The following IQCH variants were observed in gnomAD, a reference collection of about 807,000 sequenced individuals.
IQCH encodes IQ motif containing H, also known as IQ domain-containing protein H.
In IQCH, 98 loss-of-function variants were observed where a neutral mutation model predicts 117.0. The ratio of observed to expected loss-of-function variants is 0.84; its 90% confidence interval spans 0.71 to 0.99. IQCH has a LOEUF of 0.99. IQCH is among the 50% of genes least tolerant of loss of function. The pLI, the probability that IQCH is intolerant of heterozygous loss-of-function variation, is 0.00. For synonymous variants in IQCH, 412 were observed against 448.2 expected (o/e 0.92, Z 1.02); for missense variants, 1,102 against 1,243.8 (o/e 0.89, Z 1.72).
At chr15:67,450,147 A>G (rs980584385) in intron 16 of IQCH, among the ~76,000 whole-genome samples, 4 of 152,218 alleles carry the variant, frequency 2.6e-5, no homozygotes, top group Non-Finnish European at 2.9e-5. Context: ...TTTTCTAGAT[A>G]TACAATCATG....
chr15:67,269,036 C>A (rs1398021573), intron 3 of IQCH, among the ~76,000 whole-genome samples: 122 of 134,972 alleles, frequency 9.0e-4, no homozygotes, highest in African/African-American at 2.8e-3. Context: ...AAAAAAAAAA[C>A]CAACACTTGA....
chr15:67,289,000 T>C (rs1185924748), intron 4 of IQCH, among the ~76,000 whole-genome samples: 1 of 152,028 alleles, frequency 6.6e-6, no homozygotes, highest in African/African-American at 2.4e-5. Flanking sequence ...GGAGGAAATA[T>C]GCAAATACAT....
rs754146967 is a variant in IQCH at position 67,489,989 on chromosome 15, T to C, written c.2800-14T>C. On this transcript the variant is annotated splice_polypyrimidine_tract_variant and intron_variant, in intron 18 of 20. Coordinates refer to ENST00000335894, the MANE Select transcript of IQCH (RefSeq NM_001031715.3). ...TAATATACTATTTCTTTTCTCCCCA[T>C]TCAAATTTTACAGGAAAGGCAAGGA... The C allele has an allele frequency of 3.8e-6, 6 of 1,574,208 alleles. No individual in the cohort carries two copies. In the East Asian group the frequency reaches 1.3e-4, roughly 35 times the overall value.
At position 67,481,411 on chromosome 15, in the gene IQCH, G is replaced by A. The variant is rs1014814042; in HGVS notation, c.2799+5593G>A. On this transcript the variant is annotated intron_variant, in intron 18 of 20. Coordinates refer to ENST00000335894, the MANE Select transcript of IQCH (RefSeq NM_001031715.3). This position sits in a 1 kb window ranked among gnomAD's most constrained non-coding sequence, Gnocchi z 4.1. ...TCCCCTTATAAAATCATCAGATTGA[G>A]TGAGAACTCACTCACTATCATGAGA... Among the ~76,000 whole-genome samples the A allele has an allele frequency of 1.3e-4, 20 of 152,146 alleles. No individual in the cohort carries two copies. The highest frequency in any genetic ancestry group is 4.8e-4 in the African/African-American group (20 of 41,434).
intron 10 of IQCH, among the ~76,000 whole-genome samples, chr15:67,374,854 G>C (rs1970683858): frequency 6.6e-6 from 1 of 152,176 alleles, no homozygotes; most frequent in African/African-American, 2.4e-5. Flanking sequence ...TTCGAATAAG[G>C]TGCAGGAGGC....
rs567630419 is a variant in IQCH at position 67,421,342 on chromosome 15, T to G, written c.2270T>G (p.Val757Gly). The change falls in exon 16 of 21, where the codon GTG becomes GGG. Residue 757 changes from valine to glycine, a missense_variant. This residue lies in a region of IQCH where 650 missense variants were observed against 794.3 expected (regional missense o/e 0.82). Transcript: ENST00000335894. ...GCAGACAATGTCACCAACCTCACAG[T>G]GGACATGCTGATAGAGCCCAACGGG... ...PPADNVTNLT[V>G]DMLIEPNGKI... 1 of 1,614,164 alleles carries G rather than the reference T, an allele frequency of 6.2e-7. No individual in the cohort carries two copies. Among genetic ancestry groups the G allele is most frequent in the African/African-American group, 1.3e-5 (1 of 75,060 alleles).
At position 67,500,409 on chromosome 15, in the gene IQCH, T is replaced by C. The variant is rs188362661; in HGVS notation, c.2971-224T>C. ...AGAAGCCCAATGTTATTATTAGACA[T>C]AATAGGCATAAAAATTCTAAAAAGT... On this transcript the variant is annotated intron_variant, in intron 20 of 20. Transcript: ENST00000335894. This position sits in a 1 kb window ranked among gnomAD's most constrained non-coding sequence, Gnocchi z 4.4. Among the ~76,000 whole-genome samples the C allele has an allele frequency of 6.6e-6, 1 of 152,310 alleles. No homozygotes were observed. Among genetic ancestry groups the C allele is most frequent in the East Asian group, 1.9e-4 (1 of 5,194 alleles).
rs1443388648 is a variant in IQCH at position 67,416,443 on chromosome 15, G to A, written c.2098-488G>A. Among the ~76,000 whole-genome samples, 1 of 151,984 alleles carries A rather than the reference G, an allele frequency of 6.6e-6. No individual in the cohort carries two copies. Among genetic ancestry groups the A allele is most frequent in the Non-Finnish European group, 1.5e-5 (1 of 67,994 alleles). ...GAGGCAGGAGAATCACTTGAACCCG[G>A]GAGGCAGAGGTTGCAGTGAGCCAAG... On this transcript the variant is annotated intron_variant, in intron 14 of 20. Transcript: ENST00000335894. This position sits in a 1 kb window ranked among gnomAD's most constrained non-coding sequence, Gnocchi z 5.1.
intron 16 of IQCH, among the ~76,000 whole-genome samples, chr15:67,439,190 G>T (rs1241054854): frequency 1.3e-5 from 2 of 152,134 alleles, no homozygotes; most frequent in Non-Finnish European, 2.9e-5. Flanking sequence ...TAAGAAAATT[G>T]AAATTATATC....
chr15:67,380,801 G>A lies in IQCH; in HGVS notation c.1373-4135G>A, dbSNP rs79226202. ...AGGATGTGATGCATTGAACATCACTGATCATGAGTTTCAAAATGAGGAAAA... is the reference window on the plus strand; with the variant it reads ...AGGATGTGATGCATTGAACATCACTAATCATGAGTTTCAAAATGAGGAAAA... On this transcript the variant is annotated intron_variant, in intron 10 of 20. Coordinates refer to ENST00000335894, the MANE Select transcript of IQCH (RefSeq NM_001031715.3). Among the ~76,000 whole-genome samples the A allele has an allele frequency of 2.0e-5, 3 of 152,288 alleles. No homozygotes were observed. In the East Asian group the frequency reaches 5.8e-4, roughly 29 times the overall value.
In IQCH at chr15:67,387,832, A is replaced by G. The variant is rs776623791; in HGVS notation, c.1457-999A>G. Among the ~76,000 whole-genome samples the G allele has an allele frequency of 6.6e-6, 1 of 152,206 alleles. No homozygotes were observed. Among genetic ancestry groups the G allele is most frequent in the Non-Finnish European group, 1.5e-5 (1 of 68,032 alleles). The stretch of plus-strand genomic sequence containing the variant: ...AAATAACTAGAATTTAATTCAGTCT[A>G]TGCTCTGTATATATACTCTGCCAAA... On this transcript the variant is annotated intron_variant, in intron 11 of 20. Coordinates refer to ENST00000335894, the MANE Select transcript of IQCH (RefSeq NM_001031715.3). The surrounding 1 kb of genome is among the most constrained non-coding windows in gnomAD (Gnocchi z 4.8).
At chr15:67,331,252 A>G (rs182378601) in intron 4 of IQCH, among the ~76,000 whole-genome samples, 27 of 152,332 alleles carry the variant, frequency 1.8e-4, no homozygotes, top group South Asian at 6.2e-4. Flanking sequence ...TAGAAAAAAC[A>G]TAAATGAAGG....
intron 16 of IQCH, among the ~76,000 whole-genome samples, chr15:67,446,856 G>A (rs1303541580): frequency 6.6e-6 from 1 of 152,222 alleles, no homozygotes; most frequent in African/African-American, 2.4e-5. Context: ...AGGTGAGACA[G>A]AAAGGTGTTA....
chr15:67,380,875 C>T (rs1316507351), intron 10 of IQCH, among the ~76,000 whole-genome samples: 1 of 152,204 alleles, frequency 6.6e-6, no homozygotes, highest in Non-Finnish European at 1.5e-5. Context: ...TGAATGACTA[C>T]CATCCCAGGC....
rs2140932826 is a variant in IQCH, at chr15:67,426,951, A to T, written c.2505+5374A>T. The stretch of plus-strand genomic sequence containing the variant: ...CAATAAGCTGTGATTGTACCACTGT[A>T]CTCCAGCCTGGGCAACAGAGACCCA... On this transcript the variant is annotated intron_variant, in intron 16 of 20. Coordinates refer to ENST00000335894, the MANE Select transcript of IQCH (RefSeq NM_001031715.3). The surrounding 1 kb of genome is among the most constrained non-coding windows in gnomAD (Gnocchi z 5.1). Among the ~76,000 whole-genome samples the T allele has an allele frequency of 6.6e-6, 1 of 151,840 alleles. No individual in the cohort carries two copies. The highest frequency in any genetic ancestry group is 1.5e-5 in the Non-Finnish European group (1 of 67,926).
chr15:67,309,468 G>A lies in IQCH; in HGVS notation c.388-27507G>A, dbSNP rs143745629. ...CCAAGCAGTGTTTTACACATATTAG[G>A]TATTAAGGACAGGACTGATTTGTCC... On this transcript the variant is annotated intron_variant, in intron 4 of 20. Coordinates refer to ENST00000335894, the MANE Select transcript of IQCH (RefSeq NM_001031715.3). Among the ~76,000 whole-genome samples, 104 of 152,154 alleles carry A rather than the reference G, an allele frequency of 6.8e-4. 4 individuals are homozygous for A. In the East Asian group the frequency reaches 0.012, roughly 17 times the overall value.
intron 14 of IQCH, among the ~76,000 whole-genome samples, chr15:67,402,357 G>T (rs1427917353): frequency 6.6e-6 from 1 of 152,040 alleles, no homozygotes; most frequent in Non-Finnish European, 1.5e-5. Flanking sequence ...CTCTTTTTTT[G>T]TAGGAGCCTA....
chr15:67,438,813 G>T (rs1230348029), intron 16 of IQCH, among the ~76,000 whole-genome samples: 1 of 152,188 alleles, frequency 6.6e-6, no homozygotes, highest in Non-Finnish European at 1.5e-5. Flanking sequence ...GACAAAGAGG[G>T]ATGTTATATA....
rs1218991886 is a variant in IQCH, at chr15:67,372,219, A to C, written c.862A>C (p.Lys288Gln). Residue 288 changes from lysine to glutamine, a missense_variant, in exon 9 of 21, where the codon AAG (lysine) becomes CAG (glutamine). Physicochemically the swap from Lys to Gln is moderately conservative, Grantham distance 53. Transcript: ENST00000335894. ...DNTAPDFLAFKEHFSLAWGGI... is the reference protein window; with the variant it reads ...DNTAPDFLAFQEHFSLAWGGI... ...TACAGCCCCAGACTTCTTAGCATTC[A>C]AGGAACATTTTAGCTTAGCTTGGGG... 1 of 1,614,134 alleles carries C rather than the reference A, an allele frequency of 6.2e-7. No individual in the cohort carries two copies. Among genetic ancestry groups the C allele is most frequent in the East Asian group, 2.2e-5 (1 of 44,884 alleles).
Sources: allele counts gnomAD v4.1 joint callset (sites outside exome capture counted in the v4.1 genomes callset), GRCh38; gene constraint gnomAD v4.1.1; regional missense constraint gnomAD v4.1.1; non-coding constraint Gnocchi (gnomAD v3.1); transcripts MANE v1.5; gene names NCBI Gene and HGNC (gene_info 2026-07-23, HGNC 2026-07-21).